CMSS1: variants seen among roughly 807,000 people sequenced by gnomAD.
CMSS1 encodes cms1 ribosomal small subunit homolog, also known as protein CMSS1.
CMSS1 carries 33 observed loss-of-function variants against 43.5 expected under a neutral mutation model. The ratio of observed to expected loss-of-function variants is 0.76; its 90% CI spans 0.57 to 1.01. CMSS1 has a LOEUF of 1.01. Among genes scored for constraint, CMSS1 ranks in the 50% least tolerant of loss-of-function variants. The probability of loss-of-function intolerance (pLI) is 0.00; values close to 1 mark genes in which losing one functional copy is unlikely to be tolerated. For missense variants in CMSS1, 313 were observed against 326.4 expected (o/e 0.96, Z 0.32); for synonymous variants, 115 against 117.2 (o/e 0.98, Z 0.12).
intron 1 of CMSS1, among the ~76,000 whole-genome samples, chr3:99,872,303 G>A (rs984077224): frequency 4.0e-5 from 6 of 151,196 alleles, no homozygotes; most frequent in African/African-American, 1.5e-4. Context: ...GTGTGTGTGT[G>A]TGTGTGTGTG....
At position 100,180,397 on chromosome 3, in the gene CMSS1, T is replaced by C. The variant is rs2067177446; in HGVS notation, c.*2009T>C. 6.6e-6 allele frequency: 1 copy of C among 152,272 alleles called. No individual in the cohort carries two copies. Among genetic ancestry groups the C allele is most frequent in the South Asian group, 2.1e-4 (1 of 4,834 alleles). 9.4% of individuals were successfully genotyped at this position (152,272 alleles called of 1,614,324 possible). On this transcript the variant is annotated 3_prime_UTR_variant, in exon 10 of 10. Transcript: ENST00000421999. The stretch of plus-strand genomic sequence containing the variant: ...GCTTTTAAATATAAGTTATCTCTGC[T>C]TATGCAAATGAGCATAGGCTTTTAG...
Position 100,171,272 on chromosome 3 carries a change from T to C in CMSS1, c.519-567T>C, listed in dbSNP as rs76353973. Reference sequence around the variant, plus strand: ...TTGGCTGAAGCTTCATTTCCACCTATAAAATTTTATAGAGGAATTTAGTCT... The same window carrying C: ...TTGGCTGAAGCTTCATTTCCACCTACAAAATTTTATAGAGGAATTTAGTCT... On this transcript the variant is annotated intron_variant, in intron 6 of 9. Transcript: ENST00000421999. Among the ~76,000 whole-genome samples, 246 of 152,212 alleles carry C rather than the reference T, an allele frequency of 1.6e-3. 3 individuals carry two copies. Among genetic ancestry groups the C allele is most frequent in the East Asian group, 0.014 (75 of 5,190 alleles).
At chr3:100,111,355 C>T (rs2066487826) in intron 1 of CMSS1, among the ~76,000 whole-genome samples, 1 of 152,162 alleles carries the variant, frequency 6.6e-6, no homozygotes, top group African/African-American at 2.4e-5. Flanking sequence ...GAGATTACTC[C>T]ATGAGGCTGT....
At chr3:100,014,194 G>A (rs1710249933) in intron 1 of CMSS1, among the ~76,000 whole-genome samples, 2 of 150,412 alleles carry the variant, frequency 1.3e-5, no homozygotes, top group Non-Finnish European at 3.0e-5. Flanking sequence ...CATTGTATAT[G>A]TATATATATA....
intron 1 of CMSS1, among the ~76,000 whole-genome samples, chr3:99,915,855 T>C (rs1706933972): frequency 6.6e-6 from 1 of 152,204 alleles, no homozygotes; most frequent in African/African-American, 2.4e-5. Context: ...CTAAACAATA[T>C]GCCACTTGAA....
At chr3:100,050,859 T>C (rs1378891483) in intron 1 of CMSS1, among the ~76,000 whole-genome samples, 1 of 152,172 alleles carries the variant, frequency 6.6e-6, no homozygotes, top group Non-Finnish European at 1.5e-5. Context: ...TTAGCGGCTT[T>C]AACTTTGGAA....
chr3:99,960,686 GA>G (rs1292153745), intron 1 of CMSS1, among the ~76,000 whole-genome samples: 2 of 152,152 alleles, frequency 1.3e-5, no homozygotes, highest in Non-Finnish European at 1.5e-5. Flanking sequence ...CTGGTACTGG[GA>G]TTGAGGGGAG....
intron 1 of CMSS1, among the ~76,000 whole-genome samples, chr3:100,108,285 A>G (rs1226778683): frequency 2.0e-5 from 3 of 152,150 alleles, no homozygotes; most frequent in African/African-American, 7.2e-5. Context: ...ATTATTTTTT[A>G]TAGATCCAAG....
intron 1 of CMSS1, among the ~76,000 whole-genome samples, chr3:99,928,308 G>C (rs1360812331): frequency 6.6e-6 from 1 of 152,196 alleles, no homozygotes; most frequent in African/African-American, 2.4e-5. Flanking sequence ...TGTGTACGTG[G>C]AGTTATTTTG....
rs538456609 is a variant in CMSS1 at position 99,849,012 on chromosome 3, T to G, written c.64+30969T>G. 1 of 1,614,162 alleles carries G rather than the reference T, an allele frequency of 6.2e-7. No individual in the cohort carries two copies. Among genetic ancestry groups the G allele is most frequent in the Admixed American group, 1.7e-5 (1 of 60,026 alleles). ...TGTGGCTTAGGACTAGATCTCCAGG[T>G]TGCACAAAGTTGGCATTGGGTTTAG... On this transcript the variant is annotated intron_variant, in intron 1 of 9. Transcript: ENST00000421999.
At chr3:100,049,218 A>G (rs2065329242) in intron 1 of CMSS1, among the ~76,000 whole-genome samples, 1 of 152,218 alleles carries the variant, frequency 6.6e-6, no homozygotes, top group Non-Finnish European at 1.5e-5. Context: ...AAACGTGGCA[A>G]TAAATCATGG....
At chr3:99,986,001 T>C (rs1709330155) in intron 1 of CMSS1, among the ~76,000 whole-genome samples, 1 of 152,212 alleles carries the variant, frequency 6.6e-6, no homozygotes. Flanking sequence ...CTAATAGGAC[T>C]TAATGAGATA....
intron 1 of CMSS1, among the ~76,000 whole-genome samples, chr3:100,026,757 G>A (rs997614502): frequency 2.0e-4 from 31 of 152,140 alleles, no homozygotes; most frequent in Admixed American, 1.4e-3. Context: ...AACCACCACC[G>A]TCTCTCTCCA....
At chr3:99,857,897 A>G (rs1298541058) in intron 1 of CMSS1, among the ~76,000 whole-genome samples, 1 of 152,242 alleles carries the variant, frequency 6.6e-6, no homozygotes, top group African/African-American at 2.4e-5. Context: ...TTCATTTAAT[A>G]TACAAACAAC....
At chr3:99,989,145 A>G (rs940954625) in intron 1 of CMSS1, among the ~76,000 whole-genome samples, 4 of 152,234 alleles carry the variant, frequency 2.6e-5, no homozygotes, top group Admixed American at 1.3e-4. Context: ...CCTAGCAACA[A>G]CTGTATGACA....
At chr3:100,106,776 G>C (rs1187853916) in intron 1 of CMSS1, among the ~76,000 whole-genome samples, 1 of 152,150 alleles carries the variant, frequency 6.6e-6, no homozygotes, top group Non-Finnish European at 1.5e-5. Flanking sequence ...ACTGGTGGTT[G>C]TACTACTCCT....
intron 1 of CMSS1, among the ~76,000 whole-genome samples, chr3:99,963,635 G>A (rs1040884171): frequency 9.9e-5 from 15 of 150,912 alleles, no homozygotes; most frequent in African/African-American, 2.9e-4. Flanking sequence ...TTTTTTAGAC[G>A]GAGTGTCGCT....
chr3:100,095,592 A>G (rs2066191591), intron 1 of CMSS1, among the ~76,000 whole-genome samples: 1 of 152,160 alleles, frequency 6.6e-6, no homozygotes, highest in Admixed American at 6.5e-5. Context: ...CTTGACCCCT[A>G]TCTCTTGCCT....
At chr3:99,846,814 A>G (rs1442555434) in intron 1 of CMSS1, among the ~76,000 whole-genome samples, 1 of 152,226 alleles carries the variant, frequency 6.6e-6, no homozygotes, top group African/African-American at 2.4e-5. Context: ...AATGAATTGT[A>G]TTTAAAATCA....
Sources: gnomAD v4.1 joint callset for allele counts (sites outside exome capture counted in the v4.1 genomes callset) on GRCh38, gnomAD v4.1.1 for gene constraint, MANE v1.5 for transcripts, NCBI Gene and HGNC (gene_info 2026-07-23, HGNC 2026-07-21) for gene names.